TMEM143: variants seen among roughly 807,000 people sequenced by gnomAD.
TMEM143 encodes the protein transmembrane protein 143.
Under a neutral mutation model 40.3 loss-of-function variants are expected in TMEM143, and 45 were observed. The observed-to-expected ratio is 1.12, with a 90% CI of 0.88 to 1.43. The LOEUF (loss-of-function observed/expected upper bound fraction) is 1.43. TMEM143 is among the 40% of genes most tolerant of loss of function. TMEM143 has a pLI of 0.00. For missense variants in TMEM143, 620 were observed against 613.4 expected (o/e 1.01, Z -0.11); for synonymous variants, 299 against 282.7 (o/e 1.06, Z -0.58).
chr19:48,350,424 G>T (rs1300923331), intron 3 of TMEM143, among the ~76,000 whole-genome samples: 1 of 152,170 alleles, frequency 6.6e-6, no homozygotes, highest in East Asian at 1.9e-4. Flanking sequence ...CAAGGTTCAG[G>T]TTCACTCTGT....
At chr19:48,363,018 C>T (rs929201481) in intron 2 of TMEM143, among the ~76,000 whole-genome samples, 1 of 152,114 alleles carries the variant, frequency 6.6e-6, no homozygotes, top group Non-Finnish European at 1.5e-5. Flanking sequence ...ATTACTATAC[C>T]CATCTTAAAG....
chr19:48,363,466 A>G lies in TMEM143; in HGVS notation c.89T>C (p.Val30Ala), dbSNP rs1970110262. Residue 30 changes from valine (V) to alanine (A), a missense_variant, in exon 2 of 8, where the codon GTA becomes GCA. Physicochemically the swap from Val to Ala is moderately conservative, Grantham distance 64 (BLOSUM62 0). Transcript: ENST00000293261. Reference sequence around the variant, plus strand: ...GAGGAGCGCGGGCAACAGTGGCCATACTCGGACCCTGGACCCCCAGACCCC... The same window carrying G: ...GAGGAGCGCGGGCAACAGTGGCCATGCTCGGACCCTGGACCCCCAGACCCC... ...TRGVWGSRVR[V>A]WPLLPALLGP... 1.9e-6 allele frequency: 3 copies of G among 1,613,838 alleles called. No homozygotes were observed. In the East Asian group the frequency reaches 6.7e-5, roughly 36 times the overall value.
At position 48,351,652 on chromosome 19, in the gene TMEM143, C is replaced by A. The variant is rs146924774; in HGVS notation, c.370-6298G>T. ...GGCTCTAGCCCCGCAGGCCTCCTGG[C>A]TGTTCCTCCACACACCATGCACACT... is the stretch of plus-strand genomic sequence containing the variant. On this transcript the variant is annotated intron_variant, in intron 3 of 7. Transcript: ENST00000293261. Among the ~76,000 whole-genome samples the A allele has an allele frequency of 4.0e-3, 605 of 152,216 alleles. 3 individuals carry two copies. Among genetic ancestry groups the A allele is most frequent in the African/African-American group, 0.013 (556 of 41,512 alleles).
At chr19:48,341,232 G>A (rs927850271) in intron 6 of TMEM143, among the ~76,000 whole-genome samples, 19 of 152,308 alleles carry the variant, frequency 1.2e-4, no homozygotes, top group Middle Eastern at 3.4e-3. Context: ...ACTCAGCCTC[G>A]AGACAGGACA....
chr19:48,347,630 T>C (rs1336576585), intron 3 of TMEM143, among the ~76,000 whole-genome samples: 1 of 151,144 alleles, frequency 6.6e-6, no homozygotes, highest in Non-Finnish European at 1.5e-5. Flanking sequence ...GATCCCAGCT[T>C]ACTGCAACCT....
chr19:48,355,887 C>T (rs1381302452), intron 3 of TMEM143, among the ~76,000 whole-genome samples: 1 of 152,126 alleles, frequency 6.6e-6, no homozygotes, highest in Non-Finnish European at 1.5e-5. Context: ...TCAGTTTGAC[C>T]TCGGAGGGGC....
chr19:48,355,233 G>A (rs185591277), intron 3 of TMEM143, among the ~76,000 whole-genome samples: 3 of 152,012 alleles, frequency 2.0e-5, no homozygotes, highest in East Asian at 1.9e-4. Context: ...CAGTTTCACC[G>A]TTTGCCAGAC....
At position 48,345,298 on chromosome 19, in the gene TMEM143, C is replaced by A. The variant is rs747301270; in HGVS notation, c.426G>T (p.Thr142=). The A allele has an allele frequency of 6.2e-7, 1 of 1,605,166 alleles. No homozygotes were observed. Among genetic ancestry groups the A allele is most frequent in the African/African-American group, 1.3e-5 (1 of 74,596 alleles). ...DRETLDQPSL[T]DPQRLSNEQE... ...GCTCATTAGACAGACGCTGGGGATC[C>A]GTTAGTGATGGCTGATCGAGGGTCT... is the stretch of plus-strand genomic sequence containing the variant. Residue 142 remains threonine, a synonymous_variant, in exon 4 of 8, where the codon ACG becomes ACT. Transcript: ENST00000293261.
At chr19:48,350,784 T>A (rs1969750698) in intron 3 of TMEM143, among the ~76,000 whole-genome samples, 1 of 151,692 alleles carries the variant, frequency 6.6e-6, no homozygotes, top group Admixed American at 6.6e-5. Flanking sequence ...TAGCCAGGCA[T>A]GGTGGTGCGC....
rs1398209104 is a variant in TMEM143 at position 48,345,152 on chromosome 19, C to G, written c.564+8G>C. The G allele has an allele frequency of 1.9e-6, 3 of 1,611,852 alleles. No homozygotes were observed. Among genetic ancestry groups the G allele is most frequent in the Admixed American group, 1.7e-5 (1 of 59,868 alleles). On this transcript the variant is annotated splice_region_variant and intron_variant, in intron 4 of 7. Coordinates refer to ENST00000293261, the MANE Select transcript of TMEM143 (RefSeq NM_018273.4). ...CTGGGAGTTTTGTTCTCCTAGGGAGCCAAGTACCTGGACCTCATCCTGAGG... is the reference window on the plus strand; with the variant it reads ...CTGGGAGTTTTGTTCTCCTAGGGAGGCAAGTACCTGGACCTCATCCTGAGG...
At chr19:48,348,482 C>T (rs1461909367) in intron 3 of TMEM143, among the ~76,000 whole-genome samples, 1 of 152,194 alleles carries the variant, frequency 6.6e-6, no homozygotes, top group Non-Finnish European at 1.5e-5. Flanking sequence ...AATCCTGTAA[C>T]ACACACCATC....
At chr19:48,342,903 C>G in intron 5 of TMEM143, 94 bp from the exon 6 acceptor site, 3 of 1,410,516 alleles carry the variant, frequency 2.1e-6, no homozygotes, top group Non-Finnish European at 2.8e-6. Context: ...GCTCTACAGT[C>G]GCACAACCAT....
intron 3 of TMEM143, among the ~76,000 whole-genome samples, chr19:48,350,281 G>A (rs1969735359): frequency 6.6e-6 from 1 of 151,818 alleles, no homozygotes; most frequent in Non-Finnish European, 1.5e-5. Flanking sequence ...AAAGTGCTGG[G>A]ATTACAGGCG....
At chr19:48,357,625 G>A (rs1029310600) in intron 3 of TMEM143, among the ~76,000 whole-genome samples, 22 of 152,030 alleles carry the variant, frequency 1.4e-4, no homozygotes, top group African/African-American at 5.3e-4. Flanking sequence ...CAAAGTGCTG[G>A]GATTACAGGC....
chr19:48,339,122 T>C (rs1347288745), intron 6 of TMEM143, among the ~76,000 whole-genome samples: 1 of 150,970 alleles, frequency 6.6e-6, no homozygotes, highest in Non-Finnish European at 1.5e-5. Flanking sequence ...CTGGGTAGAA[T>C]GGGGAATGGG....
chr19:48,352,247 A>AAAAAAAAAAAAC lies in TMEM143; in HGVS notation c.370-6894_370-6893insGTTTTTTTTTTT, dbSNP rs1382832444. On this transcript the variant is annotated intron_variant, in intron 3 of 7. Transcript: ENST00000293261. ...GGGTGACAGAGTGAGACTCTGTCTC[A>AAAAAAAAAAAAC]AAAAAAAAAAAAAAACACCATATCT... Among the ~76,000 whole-genome samples, 14 of 69,764 alleles carry AAAAAAAAAAAAC rather than the reference A, an allele frequency of 2.0e-4. 2 individuals are homozygous for AAAAAAAAAAAAC. Among genetic ancestry groups the AAAAAAAAAAAAC allele is most frequent in the Non-Finnish European group, 3.2e-4 (11 of 33,914 alleles). 45.8% of individuals were successfully genotyped at this position (69,764 alleles called of 152,430 possible). A position where few individuals can be genotyped will look rare whatever the true frequency, so the allele number is the denominator to read the frequency against.
At position 48,342,567 on chromosome 19, in the gene TMEM143, A is replaced by C; in HGVS notation, c.938T>G (p.Leu313Arg). The C allele has an allele frequency of 1.9e-6, 3 of 1,612,538 alleles. No individual in the cohort carries two copies. The highest frequency in any genetic ancestry group is 2.5e-6 in the Non-Finnish European group (3 of 1,179,726). The change falls in exon 6 of 8, where the codon CTG becomes CGG. Residue 313 changes from leucine (L) to arginine (R), a missense_variant. Transcript: ENST00000293261. ...DLKVATSLLL[L>R]LFAIFMGLRA... ...CAGGCCCATGAAGATGGCGAAGAGC[A>C]GCAGCAGCAGGGAGGTGGCCACCTT... is the stretch of plus-strand genomic sequence containing the variant.
chr19:48,341,876 C>T (rs923046681), intron 6 of TMEM143, among the ~76,000 whole-genome samples: 2 of 151,964 alleles, frequency 1.3e-5, no homozygotes, highest in African/African-American at 2.4e-5. Context: ...TACCACGAGC[C>T]GAGCACTGCC....
chr19:48,363,323 A>C lies in TMEM143; in HGVS notation c.232T>G (p.Ser78Ala), dbSNP rs758731632. ...QQYRERFIPF[S>A]KEQLLRLLIQ... is the part of the protein sequence containing the mutation. ...AGGAGGCGGAGCAGCTGCTCCTTGG[A>C]GAAGGGAATGAAGCGCTCGCGGTAC... The change falls in exon 2 of 8, where the codon TCC becomes GCC. Residue 78 changes from serine to alanine, a missense_variant. Transcript: ENST00000293261. The C allele has an allele frequency of 3.7e-6, 6 of 1,614,108 alleles. No individual in the cohort carries two copies. The highest frequency in any genetic ancestry group is 5.1e-6 in the Non-Finnish European group (6 of 1,180,004).
Sources: gnomAD v4.1 joint callset for allele counts (sites outside exome capture counted in the v4.1 genomes callset) on GRCh38, gnomAD v4.1.1 for gene constraint, MANE v1.5 for transcripts, NCBI Gene and HGNC (gene_info 2026-07-23, HGNC 2026-07-21) for gene names.